Variants in DCDC1 observed in about 807,000 individuals in gnomAD.
DCDC1 encodes the protein doublecortin domain-containing protein 1.
In DCDC1, 200 loss-of-function variants were observed where a neutral mutation model predicts 178.3. The ratio of observed to expected loss-of-function variants is 1.12; its 90% CI spans 1.00 to 1.26. The LOEUF (loss-of-function observed/expected upper bound fraction) is 1.26, where lower values mean the gene tolerates loss of function less well. Among genes scored for constraint, DCDC1 ranks in the 50% most tolerant of loss-of-function variants. The pLI is 0.00. For missense variants in DCDC1, 1,983 were observed against 1,749.2 expected, an observed-to-expected ratio of 1.13 and a Z score of -2.38; for synonymous variants, 690 against 604.8, an observed-to-expected ratio of 1.14 and a Z score of -2.07.
intron 27 of DCDC1, among the ~76,000 whole-genome samples, chr11:30,915,213 G>A (rs1384486698): frequency 6.6e-6 from 1 of 152,138 alleles, no homozygotes; most frequent in South Asian, 2.1e-4. Context: ...TCATAAAAAT[G>A]ACATTGATGC....
chr11:31,353,939 T>C (rs1951198763), intron 1 of DCDC1, among the ~76,000 whole-genome samples: 1 of 152,192 alleles, frequency 6.6e-6, no homozygotes, highest in African/African-American at 2.4e-5. Context: ...ATTTTTCTTT[T>C]TTTTCTTGAA....
intron 25 of DCDC1, among the ~76,000 whole-genome samples, chr11:30,918,461 AAAC>A (rs1251670634): frequency 7.2e-5 from 11 of 152,220 alleles, no homozygotes; most frequent in African/African-American, 2.7e-4. Flanking sequence ...GTAAATGAAT[AAAC>A]AAGATAAATG....
chr11:31,063,723 A>T (rs555225837), intron 20 of DCDC1, among the ~76,000 whole-genome samples: 5 of 152,262 alleles, frequency 3.3e-5, no homozygotes, highest in South Asian at 2.1e-4. Flanking sequence ...TACAATAAAT[A>T]AATTAATTAA....
chr11:31,260,094 G>A (rs1332926451), intron 8 of DCDC1, among the ~76,000 whole-genome samples: 1 of 152,168 alleles, frequency 6.6e-6, no homozygotes, highest in African/African-American at 2.4e-5. Flanking sequence ...CCCACTCCAG[G>A]AGCCCAGACG....
At chr11:30,923,271 T>A (rs1268297225) in intron 23 of DCDC1, among the ~76,000 whole-genome samples, 4 of 152,072 alleles carry the variant, frequency 2.6e-5, no homozygotes, top group African/African-American at 4.8e-5. Flanking sequence ...ACCTACAATA[T>A]CTACTATCTC....
At chr11:31,015,008 C>T (rs962531086) in intron 20 of DCDC1, among the ~76,000 whole-genome samples, 2 of 149,418 alleles carry the variant, frequency 1.3e-5, no homozygotes, top group Non-Finnish European at 3.0e-5. Context: ...ATTGCAGTGG[C>T]GCAACTTGGC....
chr11:31,353,408 A>C (rs1200746744), intron 1 of DCDC1, among the ~76,000 whole-genome samples: 1 of 152,240 alleles, frequency 6.6e-6, no homozygotes, highest in Non-Finnish European at 1.5e-5. Context: ...TTGATAAATT[A>C]TCTGTTAATT....
At chr11:31,156,537 C>T (rs1323549550) in intron 9 of DCDC1, among the ~76,000 whole-genome samples, 1 of 151,814 alleles carries the variant, frequency 6.6e-6, no homozygotes, top group Non-Finnish European at 1.5e-5. Flanking sequence ...ATTTTCTTTA[C>T]CAAAAATGTA....
chr11:30,882,455 T>TA (rs397805575), intron 36 of DCDC1: 3 of 151,982 alleles, frequency 2.0e-5, no homozygotes, highest in African/African-American at 4.8e-5. Flanking sequence ...TATATTTTTT[T>TA]ATCATACTTT....
intron 18 of DCDC1, among the ~76,000 whole-genome samples, chr11:31,068,423 A>T (rs1334089165): frequency 6.6e-6 from 1 of 152,226 alleles, no homozygotes; most frequent in Non-Finnish European, 1.5e-5. Flanking sequence ...CCATTGCAGC[A>T]TTGCTCATAT....
chr11:31,244,567 T>C (rs1231877656), intron 8 of DCDC1, among the ~76,000 whole-genome samples: 4 of 151,850 alleles, frequency 2.6e-5, no homozygotes, highest in Non-Finnish European at 4.4e-5. Flanking sequence ...TTTCTTCTTA[T>C]GTGAAAGGCC....
At chr11:30,949,325 G>A (rs955924360) in intron 21 of DCDC1, among the ~76,000 whole-genome samples, 1 of 152,212 alleles carries the variant, frequency 6.6e-6, no homozygotes, top group African/African-American at 2.4e-5. Context: ...ACGCCAGTTA[G>A]AATAGCGATC....
At chr11:30,954,174 C>T (rs1948622117) in intron 20 of DCDC1, among the ~76,000 whole-genome samples, 1 of 151,862 alleles carries the variant, frequency 6.6e-6, no homozygotes, top group African/African-American at 2.4e-5. Flanking sequence ...TGCCACCACG[C>T]CCGGCTATTT....
chr11:30,954,140 G>A (rs61878160), intron 20 of DCDC1, among the ~76,000 whole-genome samples: 6 of 150,168 alleles, frequency 4.0e-5, no homozygotes, highest in Admixed American at 2.7e-4. Flanking sequence ...CTCAGCCTCC[G>A]GAGTAGCTGT....
chr11:31,180,983 A>G (rs1459231011), intron 9 of DCDC1, among the ~76,000 whole-genome samples: 1 of 152,182 alleles, frequency 6.6e-6, no homozygotes, highest in Non-Finnish European at 1.5e-5. Context: ...TCTCACTGCC[A>G]GCACAGCAGG....
chr11:31,067,635 G>T (rs555683472), intron 18 of DCDC1, among the ~76,000 whole-genome samples: 1 of 152,186 alleles, frequency 6.6e-6, no homozygotes, highest in African/African-American at 2.4e-5. Flanking sequence ...ATAGTGGAAA[G>T]AAATAAAATG....
intron 3 of DCDC1, among the ~76,000 whole-genome samples, chr11:31,310,819 T>G (rs944719504): frequency 6.6e-6 from 1 of 152,128 alleles, no homozygotes. Flanking sequence ...AGAGGCACAC[T>G]TAGGCTTCAA....
At chr11:31,083,102 C>G (rs764831104) in intron 17 of DCDC1, among the ~76,000 whole-genome samples, 1 of 152,092 alleles carries the variant, frequency 6.6e-6, no homozygotes, top group Admixed American at 6.6e-5. Flanking sequence ...CTTAAAGCAG[C>G]GTGTGTTTTT....
At chr11:30,906,848 ATGCT>A in intron 29 of DCDC1, 123 bp from the exon 30 acceptor site, 8 of 911,278 alleles carry the variant, frequency 8.8e-6, no homozygotes, top group Middle Eastern at 7.6e-4. Context: ...TTTAAATTTT[ATGCT>A]AAATTTAAAT....
Sources: allele counts gnomAD v4.1 joint callset (sites outside exome capture counted in the v4.1 genomes callset), GRCh38; gene constraint gnomAD v4.1.1; transcripts MANE v1.5; gene names NCBI Gene and HGNC (gene_info 2026-07-23, HGNC 2026-07-21).